The following PRPSAP1 variants were observed in gnomAD, a reference collection of about 807,000 sequenced individuals.
The protein encoded by PRPSAP1 is phosphoribosyl pyrophosphate synthetase associated protein 1, also known as phosphoribosyl pyrophosphate synthase-associated protein 1.
PRPSAP1 carries 31 observed loss-of-function variants against 39.4 expected under a neutral mutation model. The observed-to-expected ratio is 0.79, with a 90% CI of 0.59 to 1.06. The LOEUF (loss-of-function observed/expected upper bound fraction) is 1.06. PRPSAP1 is among the 50% of genes least tolerant of loss of function. PRPSAP1 has a pLI of 0.00. For missense variants in PRPSAP1, 430 were observed against 511.6 expected (o/e 0.84, Z 1.54); for synonymous variants, 212 against 192.6 (o/e 1.10, Z -0.83).
chr17:76,334,878 G>A (rs2071362311), intron 3 of PRPSAP1, among the ~76,000 whole-genome samples: 1 of 152,158 alleles, frequency 6.6e-6, no homozygotes, highest in South Asian at 2.1e-4. Flanking sequence ...TTTCAAGAAA[G>A]TTGGGAATTC....
intron 3 of PRPSAP1, among the ~76,000 whole-genome samples, chr17:76,333,389 C>T (rs997874760): frequency 6.6e-6 from 1 of 152,160 alleles, no homozygotes; most frequent in Admixed American, 6.5e-5. Context: ...GGATTACAGG[C>T]ATGACCCACT....
intron 7 of PRPSAP1, among the ~76,000 whole-genome samples, chr17:76,323,625 A>C (rs1253136437): frequency 1.3e-5 from 2 of 152,146 alleles, no homozygotes; most frequent in African/African-American, 2.4e-5. Flanking sequence ...TTAGAACTGG[A>C]ACCTGAAGCT....
Position 76,348,600 on chromosome 17 carries a change from A to C in PRPSAP1, c.171-19T>G. 6.6e-7 allele frequency: 1 copy of C among 1,518,722 alleles called. No individual in the cohort carries two copies. Among genetic ancestry groups the C allele is most frequent in the Non-Finnish European group, 8.7e-7 (1 of 1,143,928 alleles). 94.1% of individuals were successfully genotyped at this position (1,518,722 alleles called of 1,614,324 possible). A position where few individuals can be genotyped will look rare whatever the true frequency, so the allele number is the denominator to read the frequency against. On this transcript the variant is annotated intron_variant, in intron 1 of 9. Transcript: ENST00000446526. Reference sequence around the variant, plus strand: ...AAGGCGCCTATAGATCAAAAAGAACAAAAAAGGGAAATTAAGATTACTCTT... The same window carrying C: ...AAGGCGCCTATAGATCAAAAAGAACCAAAAAGGGAAATTAAGATTACTCTT...
chr17:76,334,899 ATT>A (rs2071362581), intron 3 of PRPSAP1, among the ~76,000 whole-genome samples: 1 of 152,178 alleles, frequency 6.6e-6, no homozygotes, highest in South Asian at 2.1e-4. Flanking sequence ...ATAATAGTCA[ATT>A]TTAGTTCATC....
chr17:76,326,523 C>T (rs984497249), intron 7 of PRPSAP1, among the ~76,000 whole-genome samples: 1 of 152,144 alleles, frequency 6.6e-6, no homozygotes, highest in Admixed American at 6.6e-5. Context: ...GCCAAAAATG[C>T]ATAACCTGAA....
chr17:76,347,735 G>A (rs1355232949), intron 2 of PRPSAP1, among the ~76,000 whole-genome samples: 1 of 152,090 alleles, frequency 6.6e-6, no homozygotes, highest in African/African-American at 2.4e-5. Context: ...GGCAGGGCAG[G>A]AGTGGCCACG....
chr17:76,319,732 C>T (rs753209042), intron 7 of PRPSAP1, among the ~76,000 whole-genome samples: 1 of 151,810 alleles, frequency 6.6e-6, no homozygotes, highest in Non-Finnish European at 1.5e-5. Context: ...GGATTACAGG[C>T]GTGAGCCACC....
At chr17:76,312,070 C>A (rs957271905) in intron 9 of PRPSAP1, among the ~76,000 whole-genome samples, 1 of 152,144 alleles carries the variant, frequency 6.6e-6, no homozygotes, top group African/African-American at 2.4e-5. Flanking sequence ...TATACAGACC[C>A]TCAACATAAC....
chr17:76,336,437 CAAA>C (rs71161286), intron 3 of PRPSAP1, among the ~76,000 whole-genome samples: 1 of 132,634 alleles, frequency 7.5e-6, no homozygotes. Context: ...GAATCTTTCT[CAAA>C]AAAAAAAAAA....
chr17:76,331,041 G>C (rs913003619), intron 4 of PRPSAP1, among the ~76,000 whole-genome samples: 1 of 152,144 alleles, frequency 6.6e-6, no homozygotes, highest in Non-Finnish European at 1.5e-5. Context: ...GAACTGTAGC[G>C]AAGGCAAAAA....
At chr17:76,336,657 GGGAGGT>G (rs1292728507) in intron 3 of PRPSAP1, among the ~76,000 whole-genome samples, 11 of 147,198 alleles carry the variant, frequency 7.5e-5, no homozygotes, top group Non-Finnish European at 1.0e-4. Context: ...GCTTGAACCT[GGGAGGT>G]GGAGGTTGTG....
chr17:76,323,943 C>G (rs933833807), intron 7 of PRPSAP1, among the ~76,000 whole-genome samples: 2 of 151,126 alleles, frequency 1.3e-5, no homozygotes, highest in Non-Finnish European at 3.0e-5. Context: ...GTCAGGAGTT[C>G]GAGACCAGCG....
At chr17:76,318,177 C>T (rs1433167825) in intron 7 of PRPSAP1, among the ~76,000 whole-genome samples, 4 of 152,088 alleles carry the variant, frequency 2.6e-5, no homozygotes, top group Non-Finnish European at 4.4e-5. Flanking sequence ...TGGCCAGGTG[C>T]GGTGGCTCAT....
intron 7 of PRPSAP1, among the ~76,000 whole-genome samples, chr17:76,327,356 AAAAAT>A (rs1312522772): frequency 7.0e-6 from 1 of 142,996 alleles, no homozygotes; most frequent in African/African-American, 2.6e-5. Flanking sequence ...CAAACAAAAT[AAAAAT>A]AAATAAAAAT....
chr17:76,324,525 C>T (rs1181178499), intron 7 of PRPSAP1, among the ~76,000 whole-genome samples: 2 of 151,458 alleles, frequency 1.3e-5, no homozygotes, highest in Non-Finnish European at 2.9e-5. Flanking sequence ...CACTTAAATC[C>T]AGGAGGTGGA....
At chr17:76,342,401 T>C (rs1220558541) in intron 3 of PRPSAP1, among the ~76,000 whole-genome samples, 1 of 151,996 alleles carries the variant, frequency 6.6e-6, no homozygotes, top group Non-Finnish European at 1.5e-5. Flanking sequence ...AAAATGTCAG[T>C]CTTCAAATGT....
chr17:76,327,065 C>T (rs531076602), intron 7 of PRPSAP1, among the ~76,000 whole-genome samples: 37 of 152,298 alleles, frequency 2.4e-4, no homozygotes, highest in African/African-American at 7.7e-4. Context: ...ATGCAGATTA[C>T]GGCTTGGCAC....
At chr17:76,334,399 G>C (rs578017345) in intron 3 of PRPSAP1, among the ~76,000 whole-genome samples, 1 of 152,314 alleles carries the variant, frequency 6.6e-6, no homozygotes, top group South Asian at 2.1e-4. Context: ...GAAATACTCA[G>C]CAAGAGATGC....
upstream of PRPSAP1, chr17:76,354,158 C>T: frequency 3.0e-6 from 3 of 992,312 alleles, no homozygotes; most frequent in Non-Finnish European, 3.6e-6. Context: ...TTGGCCAGGA[C>T]CCAACATGTC....
Sources: allele counts gnomAD v4.1 joint callset (sites outside exome capture counted in the v4.1 genomes callset), GRCh38; gene constraint gnomAD v4.1.1; transcripts MANE v1.5; gene names NCBI Gene and HGNC (gene_info 2026-07-23, HGNC 2026-07-21).